MVB12A: variants seen among roughly 807,000 people sequenced by gnomAD.
MVB12A encodes CIN85/CD2AP family binding protein.
In MVB12A, 30 loss-of-function variants were observed where a neutral mutation model predicts 34.3. The observed-to-expected ratio is 0.88, with a 90% CI of 0.65 to 1.19. The LOEUF (loss-of-function observed/expected upper bound fraction) is 1.19, where lower values mean the gene tolerates loss of function less well. MVB12A is among the 50% of genes most tolerant of loss of function. The pLI is 0.00. For synonymous variants in MVB12A, 158 were observed against 158.9 expected (o/e 0.99, Z 0.04); for missense variants, 355 against 369.2 (o/e 0.96, Z 0.31).
chr19:17,406,432 T>A (rs1455015633), intron 2 of MVB12A: 1 of 152,218 alleles, frequency 6.6e-6, no homozygotes, highest in Non-Finnish European at 1.5e-5. Context: ...CTGCTGGGCA[T>A]GACCGCTGAA....
intron 3 of MVB12A, chr19:17,421,084 C>T (rs2145761734): frequency 2.2e-6 from 1 of 461,052 alleles, no homozygotes. Flanking sequence ...GCCCACAACC[C>T]TAGTGCAGCC....
intron 2 of MVB12A, among the ~76,000 whole-genome samples, chr19:17,407,372 C>T (rs977241774): frequency 1.8e-4 from 27 of 152,128 alleles, no homozygotes; most frequent in African/African-American, 5.1e-4. Flanking sequence ...ACCAGCAATG[C>T]GCGGAGACTG....
upstream of MVB12A, chr19:17,419,414 A>C (rs1306505315): frequency 1.3e-5 from 2 of 152,288 alleles, no homozygotes; most frequent in South Asian, 2.1e-4. Flanking sequence ...ACAGGCAATA[A>C]ATTCTTTTAT....
In MVB12A at chr19:17,425,138, C is replaced by T. The variant is rs1329666665; in HGVS notation, c.*145C>T. The T allele has an allele frequency of 6.7e-6, 4 of 600,702 alleles. No individual in the cohort carries two copies. Among genetic ancestry groups the T allele is most frequent in the African/African-American group, 1.9e-5 (1 of 53,042 alleles). The allele number at this position is 600,702 out of a possible 1,614,324, so 37.2% of individuals were successfully genotyped here. The stretch of plus-strand genomic sequence containing the variant: ...GCAAGGCGTTTGCTATCTTCAGCCA[C>T]TGGGCGGAGCTGCAGCCCTGGAGGA... On this transcript the variant is annotated 3_prime_UTR_variant, in exon 9 of 9. Coordinates refer to ENST00000317040, the MANE Select transcript of MVB12A (RefSeq NM_138401.4).
chr19:17,422,470 C>T lies in MVB12A; in HGVS notation c.413+12C>T. 6.3e-7 allele frequency: 1 copy of T among 1,599,750 alleles called. No homozygotes were observed. Among genetic ancestry groups the T allele is most frequent in the Non-Finnish European group, 8.5e-7 (1 of 1,171,290 alleles). The stretch of plus-strand genomic sequence containing the variant: ...TACCTTCGAATAGGGTAGGGCCACC[C>T]CCCAGTGTCTAGCCACCTTCCCTGC... On this transcript the variant is annotated intron_variant, in intron 4 of 8. Coordinates refer to ENST00000317040, the MANE Select transcript of MVB12A (RefSeq NM_138401.4).
At chr19:17,413,856 C>G (rs189809404) in intron 2 of MVB12A, among the ~76,000 whole-genome samples, 2 of 152,314 alleles carry the variant, frequency 1.3e-5, no homozygotes, top group African/African-American at 2.4e-5. Flanking sequence ...AGTTCCCCAT[C>G]ATAGTTTGCC....
In MVB12A at chr19:17,420,610, C is replaced by G; in HGVS notation, c.262C>G (p.Pro88Ala). 6.2e-7 allele frequency: 1 copy of G among 1,613,206 alleles called. No individual in the cohort carries two copies. The highest frequency in any genetic ancestry group is 8.5e-7 in the Non-Finnish European group (1 of 1,179,168). The change falls in exon 3 of 9, where the codon CCC becomes GCC. Residue 88 changes from proline to alanine, a missense_variant. Pro to Ala is a conservative substitution (Grantham distance 27). Transcript: ENST00000317040. ...DKSPLPLGFS[P>A]VCDPMDSKAS... Reference sequence around the variant, plus strand: ...GAGCCCCCTGCCGCTGGGCTTCTCCCCCGTCTGCGACCCCATGGATTCCAG... The same window carrying G: ...GAGCCCCCTGCCGCTGGGCTTCTCCGCCGTCTGCGACCCCATGGATTCCAG...
At chr19:17,405,819 G>C (rs12609479) in intron 1 of MVB12A, 1 of 417,058 alleles carries the variant, frequency 2.4e-6, no homozygotes, top group South Asian at 3.0e-5. Flanking sequence ...GCCCTTCCCA[G>C]CTGGGTGCCA....
chr19:17,406,209 A>G (rs1244901601), exon 2 of MVB12A: 1 of 152,138 alleles, frequency 6.6e-6, no homozygotes, highest in African/African-American at 2.4e-5. Context: ...CGACCCAGCC[A>G]ACAAACAATG....
intron 2 of MVB12A, among the ~76,000 whole-genome samples, chr19:17,411,032 G>A (rs1248510231): frequency 6.6e-6 from 1 of 150,438 alleles, no homozygotes; most frequent in African/African-American, 2.4e-5. Flanking sequence ...GCAGTGGCGC[G>A]ATCTCCACTC....
At chr19:17,417,088 G>A (rs1047864066), upstream of MVB12A, 16 of 381,326 alleles carry the variant, frequency 4.2e-5, no homozygotes, top group Admixed American at 1.1e-4. Flanking sequence ...CCTTTGCACC[G>A]TCAAACTTTC....
intron 2 of MVB12A, among the ~76,000 whole-genome samples, chr19:17,411,175 C>T (rs1376057461): frequency 1.3e-5 from 2 of 151,494 alleles, no homozygotes; most frequent in South Asian, 2.1e-4. Context: ...ACCATGTTGG[C>T]CAGGATGGTC....
intron 3 of MVB12A, chr19:17,422,089 C>T (rs1281273729): frequency 8.0e-6 from 3 of 376,450 alleles, no homozygotes; most frequent in Non-Finnish European, 1.4e-5. Context: ...CAGCTAGCCA[C>T]CCCATGAATG....
Position 17,424,921 on chromosome 19 carries a change from C to T in MVB12A, c.760-10C>T. 6.2e-7 allele frequency: 1 copy of T among 1,601,146 alleles called. No homozygotes were observed. Among genetic ancestry groups the T allele is most frequent in the Non-Finnish European group, 8.5e-7 (1 of 1,172,436 alleles). ...GGCACCTGTTCACTCTCTCTCTCCCCATCCCCCAGTATAACTACGGCTTCG... is the reference window on the plus strand; with the variant it reads ...GGCACCTGTTCACTCTCTCTCTCCCTATCCCCCAGTATAACTACGGCTTCG... On this transcript the variant is annotated splice_polypyrimidine_tract_variant and intron_variant, in intron 8 of 8. Transcript: ENST00000317040.
chr19:17,406,524 G>GTT (rs35077774), intron 2 of MVB12A, among the ~76,000 whole-genome samples: 1 of 151,480 alleles, frequency 6.6e-6, no homozygotes, highest in Middle Eastern at 3.4e-3. Flanking sequence ...CCATTTCCAT[G>GTT]TTTTTTTTTC....
chr19:17,424,742 C>T (rs887739015), intron 8 of MVB12A, 65 bp downstream of exon 8: 39 of 1,534,422 alleles, frequency 2.5e-5, no homozygotes, highest in Non-Finnish European at 3.3e-5. Flanking sequence ...GGGGCCGGCA[C>T]CCGCCCCTCG....
At chr19:17,419,011 G>C (rs945652095), upstream of MVB12A, 1 of 151,260 alleles carries the variant, frequency 6.6e-6, no homozygotes, top group African/African-American at 2.4e-5. Context: ...CCACAAACTG[G>C]AACAGACGAC....
chr19:17,408,926 T>C (rs2074746032), intron 2 of MVB12A, among the ~76,000 whole-genome samples: 2 of 147,964 alleles, frequency 1.4e-5, no homozygotes, highest in Admixed American at 1.4e-4. Flanking sequence ...CCTCCTGGGT[T>C]GAAGCGATTC....
Position 17,424,072 on chromosome 19 carries a change from G to A in MVB12A, c.702+5G>A. The A allele has an allele frequency of 6.2e-7, 1 of 1,614,056 alleles. No individual in the cohort carries two copies. The highest frequency in any genetic ancestry group is 1.1e-5 in the South Asian group (1 of 91,082). ...GGCAAGAGCTGCAGCCCCCTGGTGA[G>A]TCGGGGTCTCAGGGAGCCTGGGTCT... is the stretch of plus-strand genomic sequence containing the variant. On this transcript the variant is annotated splice_donor_5th_base_variant and intron_variant, in intron 7 of 8. Coordinates refer to ENST00000317040, the MANE Select transcript of MVB12A (RefSeq NM_138401.4).
Sources: allele counts gnomAD v4.1 joint callset (sites outside exome capture counted in the v4.1 genomes callset), GRCh38; gene constraint gnomAD v4.1.1; transcripts MANE v1.5; gene names NCBI Gene and HGNC (gene_info 2026-07-23, HGNC 2026-07-21).